Variants in FLG2 observed in about 807,000 individuals in gnomAD.
FLG2 encodes filaggrin-2.
Under a neutral mutation model 3.9 loss-of-function variants are expected in FLG2, and 7 were observed. That is an observed-to-expected ratio of 1.79 (90% CI 1.02 to 3.36). The LOEUF (loss-of-function observed/expected upper bound fraction) is 3.36, where lower values mean the gene tolerates loss of function less well. Among genes scored for constraint, FLG2 ranks in the 30% most tolerant of loss-of-function variants. The probability of loss-of-function intolerance (pLI) is 0.00; values close to 1 mark genes in which losing one functional copy is unlikely to be tolerated. For missense variants in FLG2, 2,700 were observed against 2,809.4 expected (o/e 0.96, Z 0.88); for synonymous variants, 1,031 against 1,056.1 (o/e 0.98, Z 0.46).
chr1:152,356,489 C>T lies in FLG2; in HGVS notation c.1297G>A (p.Gly433Arg). Reference sequence around the variant, plus strand: ...CCAGAGGACTGACTCAAGCCTGTTCCATGTTGTTCAAAGCTAGTAGACTGA... The same window carrying T: ...CCAGAGGACTGACTCAAGCCTGTTCTATGTTGTTCAAAGCTAGTAGACTGA... ...SSQSTSFEQH[G>R]TGLSQSSGFE... The change falls in exon 3 of 3, where the codon GGA (glycine) becomes AGA (arginine). Residue 433 changes from glycine to arginine, a missense_variant. Gly to Arg is a moderately radical substitution (Grantham distance 125, BLOSUM62 -2). Coordinates refer to ENST00000388718, the MANE Select transcript of FLG2 (RefSeq NM_001014342.3). 2 of 1,614,234 alleles carry T rather than the reference C, an allele frequency of 1.2e-6. No homozygotes were observed. Among genetic ancestry groups the T allele is most frequent in the East Asian group, 4.5e-5 (2 of 44,888 alleles).
In FLG2 at chr1:152,355,310, C is replaced by A. The variant is rs928386131; in HGVS notation, c.2476G>T (p.Gly826Cys). The A allele has an allele frequency of 5.0e-6, 8 of 1,613,772 alleles. No homozygotes were observed. Among genetic ancestry groups the A allele is most frequent in the Non-Finnish European group, 5.1e-6 (6 of 1,179,926 alleles). The change falls in exon 3 of 3, where the codon GGC (glycine) becomes TGC (cysteine). Residue 826 changes from glycine (G) to cysteine (C), a missense_variant. Transcript: ENST00000388718. ...CCAAAGCCAGAGGATTGTCCTGAGC[C>A]AGACCCATGTTGTCCAAAGCCAGCG... Reference protein sequence around the residue: ...QSAGFGQHGSGSGQSSGFGQH... With the variant: ...QSAGFGQHGSCSGQSSGFGQH...
In FLG2 at chr1:152,357,321, A is replaced by G. The variant is rs1457550618; in HGVS notation, c.465T>C (p.His155=). 1.5e-5 allele frequency: 24 copies of G among 1,614,020 alleles called. No homozygotes were observed. The highest frequency in any genetic ancestry group is 1.9e-5 in the Non-Finnish European group (23 of 1,180,044). ...GHSRGTVKCR[H]GSNSRRLGRQ... ...TTCCTAGCCTCCTGGAGTTGGACCC[A>G]TGTCTACATTTCACAGTTCCCCTTG... Residue 155 remains histidine, a synonymous_variant, in exon 3 of 3, where the codon CAT becomes CAC. Transcript: ENST00000388718.
rs1352316316 is a variant in FLG2 at position 152,354,389 on chromosome 1, A to G, written c.3397T>C (p.Ser1133Pro). 3 of 1,613,494 alleles carry G rather than the reference A, an allele frequency of 1.9e-6. No homozygotes were observed. The highest frequency in any genetic ancestry group is 2.5e-6 in the Non-Finnish European group (3 of 1,179,942). Residue 1133 changes from serine (S) to proline (P), a missense_variant, in exon 3 of 3, where the codon TCA becomes CCA. Ser to Pro is a moderately conservative substitution (Grantham distance 74). Coordinates refer to ENST00000388718, the MANE Select transcript of FLG2 (RefSeq NM_001014342.3). ...GQSSGFGQHG[S>P]GTGKSSGFAQ... ...AAGCCAGAGGATTTACCTGTGCCTG[A>G]CCCATGTTGTCCAAAGCCAGAAGAC...
rs755722317 is a variant in FLG2 at position 152,354,393 on chromosome 1, A to C, written c.3393T>G (p.His1131Gln). ...CAGAGGATTTACCTGTGCCTGACCCATGTTGTCCAAAGCCAGAAGACTGAC... is the reference window on the plus strand; with the variant it reads ...CAGAGGATTTACCTGTGCCTGACCCCTGTTGTCCAAAGCCAGAAGACTGAC... ...GSGQSSGFGQ[H>Q]GSGTGKSSGF... Residue 1131 changes from histidine to glutamine, a missense_variant, in exon 3 of 3, where the codon CAT (histidine) becomes CAG (glutamine). Physicochemically the swap from His to Gln is conservative, Grantham distance 24. Coordinates refer to ENST00000388718, the MANE Select transcript of FLG2 (RefSeq NM_001014342.3). 9 of 1,613,990 alleles carry C rather than the reference A, an allele frequency of 5.6e-6. No homozygotes were observed. The highest frequency in any genetic ancestry group is 7.6e-6 in the Non-Finnish European group (9 of 1,180,000).
Position 152,358,862 on chromosome 1 carries a change from A to G in FLG2, c.23T>C (p.Val8Ala). Residue 8 changes from valine (V) to alanine (A), a missense_variant, in exon 2 of 3, where the codon GTT (valine) becomes GCT (alanine). Val to Ala is a moderately conservative substitution (Grantham distance 64). Transcript: ENST00000388718. Reference protein sequence around the residue: MTDLLRSVVTVIDVFYKY... With the variant: MTDLLRSAVTVIDVFYKY... ...GTAGAAAACATCAATTACGGTGACA[A>G]CACTTCTCAAGAGGTCGGTCATCTT... 1.2e-6 allele frequency: 2 copies of G among 1,613,652 alleles called. No homozygotes were observed. Among genetic ancestry groups the G allele is most frequent in the Non-Finnish European group, 1.7e-6 (2 of 1,179,828 alleles).
In FLG2 at chr1:152,350,453, G is replaced by T; in HGVS notation, c.*157C>A. 1.1e-6 allele frequency: 1 copy of T among 942,248 alleles called. No homozygotes were observed. The highest frequency in any genetic ancestry group is 1.5e-6 in the Non-Finnish European group (1 of 648,070). 58.4% of individuals were successfully genotyped at this position (942,248 alleles called of 1,614,324 possible). On this transcript the variant is annotated 3_prime_UTR_variant, in exon 3 of 3. Transcript: ENST00000388718. ...TTATGAGTTACTATAGAATGTCCATGACTAGATTCCTGACTTCTTATAATA... is the reference window on the plus strand; with the variant it reads ...TTATGAGTTACTATAGAATGTCCATTACTAGATTCCTGACTTCTTATAATA...
In FLG2 at chr1:152,351,502, G is replaced by T. The variant is rs776592263; in HGVS notation, c.6284C>A (p.Ser2095Ter). ...AGATCCCCTTCTTCCAGCTGTCCTT[G>T]ACCCTCTCTGTGTGGACTGTCCATG... ...SGHGQSTQRG[S>*]RTAGRRGSGH... is the part of the protein sequence containing the mutation. Residue 2095 changes from serine to a stop codon, truncating the protein, a stop_gained, in exon 3 of 3, where the codon TCA (serine) becomes TAA (stop). Transcript: ENST00000388718. LOFTEE classifies it low-confidence loss of function (END_TRUNC). 1.2e-6 allele frequency: 2 copies of T among 1,611,704 alleles called. No homozygotes were observed. The highest frequency in any genetic ancestry group is 8.5e-7 in the Non-Finnish European group (1 of 1,179,486).
chr1:152,349,130 T>C lies in FLG2; in HGVS notation c.*1480A>G, dbSNP rs1455776801. On this transcript the variant is annotated 3_prime_UTR_variant, in exon 3 of 3. Coordinates refer to ENST00000388718, the MANE Select transcript of FLG2 (RefSeq NM_001014342.3). ...TAGCCCCAAATGGTGTTTATCTTTT[T>C]CTTCCATTCACTATTTTCTTTCTTT... The C allele has an allele frequency of 6.6e-6, 1 of 152,156 alleles. No homozygotes were observed. Among genetic ancestry groups the C allele is most frequent in the African/African-American group, 2.4e-5 (1 of 41,444 alleles). The allele number at this position is 152,156 out of a possible 1,614,324, so 9.4% of individuals were successfully genotyped here.
At position 152,355,203 on chromosome 1, in the gene FLG2, A is replaced by G. The variant is rs1557898634; in HGVS notation, c.2583T>C (p.His861=). ...GSSQSSGYGQ[H]GSSSGQTSGF... Reference sequence around the variant, plus strand: ...CAGATGTCTGTCCCGAACTTGACCCATGTTGACCATAGCCAGATGATTGAC... The same window carrying G: ...CAGATGTCTGTCCCGAACTTGACCCGTGTTGACCATAGCCAGATGATTGAC... Residue 861 remains histidine, a synonymous_variant, in exon 3 of 3, where the codon CAT becomes CAC. Coordinates refer to ENST00000388718, the MANE Select transcript of FLG2 (RefSeq NM_001014342.3). The G allele has an allele frequency of 1.2e-6, 2 of 1,607,838 alleles. No individual in the cohort carries two copies.
chr1:152,358,876 G>A lies in FLG2; in HGVS notation c.9C>T (p.Asp3=). MT[D]LLRSVVTVID... is the part of the protein sequence containing the mutation. ...TTACGGTGACAACACTTCTCAAGAG[G>A]TCGGTCATCTTTTTGCAAGTTTAAG... The change falls in exon 2 of 3, where the codon GAC becomes GAT. Residue 3 remains aspartate, a synonymous_variant. Transcript: ENST00000388718. 6.2e-7 allele frequency: 1 copy of A among 1,611,700 alleles called. No individual in the cohort carries two copies. Among genetic ancestry groups the A allele is most frequent in the South Asian group, 1.1e-5 (1 of 90,346 alleles).
chr1:152,356,622 G>T lies in FLG2; in HGVS notation c.1164C>A (p.Ser388Arg). Reference sequence around the variant, plus strand: ...CATGTTGACCATTACTACAAGACTGGCTACCTCCAGACCCATATTGTCCAC... The same window carrying T: ...CATGTTGACCATTACTACAAGACTGTCTACCTCCAGACCCATATTGTCCAC... ...SCCGQYGSGG[S>R]QSCSNGQHEY... is the part of the protein sequence containing the mutation. The change falls in exon 3 of 3, where the codon AGC (serine) becomes AGA (arginine). Residue 388 changes from serine to arginine, a missense_variant. Coordinates refer to ENST00000388718, the MANE Select transcript of FLG2 (RefSeq NM_001014342.3). 6.2e-7 allele frequency: 1 copy of T among 1,613,916 alleles called. No homozygotes were observed. The highest frequency in any genetic ancestry group is 8.5e-7 in the Non-Finnish European group (1 of 1,179,982).
Position 152,351,079 on chromosome 1 carries a change from C to A in FLG2, c.6707G>T (p.Gly2236Val). The change falls in exon 3 of 3, where the codon GGT becomes GTT. Residue 2236 changes from glycine (G) to valine (V), a missense_variant. By Grantham distance (109) the Gly-to-Val change is moderately radical (BLOSUM62 -3). Coordinates refer to ENST00000388718, the MANE Select transcript of FLG2 (RefSeq NM_001014342.3). ...CCCTCTCTGTGTGGATTGTCCATAA[C>A]CATAGTGGGCATGTCTAGTGGTATC... ...TGDTTRHAHY[G>V]YGQSTQRGSR... 2 of 1,613,522 alleles carry A rather than the reference C, an allele frequency of 1.2e-6. No individual in the cohort carries two copies. The highest frequency in any genetic ancestry group is 1.1e-5 in the South Asian group (1 of 91,042).
In FLG2 at chr1:152,353,868, T is replaced by C. The variant is rs1484099502; in HGVS notation, c.3918A>G (p.Thr1306=). The change falls in exon 3 of 3, where the codon ACA becomes ACG. Residue 1306 remains threonine, a synonymous_variant. Coordinates refer to ENST00000388718, the MANE Select transcript of FLG2 (RefSeq NM_001014342.3). ...GAGTAGTTCCTTGTCTTCTGCGAAC[T>C]GTGGATCCTGACTTTGGGTAGTGAG... is the stretch of plus-strand genomic sequence containing the variant. ...AGSHYPKSGS[T]VRRRQGTTHG... is the part of the protein sequence containing the mutation. The C allele has an allele frequency of 5.0e-6, 8 of 1,614,080 alleles. No individual in the cohort carries two copies. The highest frequency in any genetic ancestry group is 6.8e-6 in the Non-Finnish European group (8 of 1,180,010).
chr1:152,352,884 A>T lies in FLG2; in HGVS notation c.4902T>A (p.Gly1634=), dbSNP rs1287174762. ...IGDTTGHSHS[G]HGQSTQRGSR... ...ACCCTCTCTGTGTGGACTGTCCATG[A>T]CCAGAGTGGGAATGTCCAGTGGTAT... The change falls in exon 3 of 3, where the codon GGT becomes GGA. Residue 1634 remains glycine, a synonymous_variant. Transcript: ENST00000388718. 1.9e-6 allele frequency: 3 copies of T among 1,613,300 alleles called. No individual in the cohort carries two copies. Among genetic ancestry groups the T allele is most frequent in the Non-Finnish European group, 2.5e-6 (3 of 1,179,878 alleles).
In FLG2 at chr1:152,356,749, C is replaced by T. The variant is rs746406263; in HGVS notation, c.1037G>A (p.Cys346Tyr). ...SGCGQPESNP[C>Y]SQSYSQRGYG... is the part of the protein sequence containing the mutation. ...TCCTCTCTGACTATAGGACTGACTA[C>T]AGGGGTTAGACTCAGGTTGACCACA... The change falls in exon 3 of 3, where the codon TGT becomes TAT. Residue 346 changes from cysteine (C) to tyrosine (Y), a missense_variant. Physicochemically the swap from Cys to Tyr is radical, Grantham distance 194. Coordinates refer to ENST00000388718, the MANE Select transcript of FLG2 (RefSeq NM_001014342.3). 3.1e-6 allele frequency: 5 copies of T among 1,614,196 alleles called. No homozygotes were observed. The highest frequency in any genetic ancestry group is 4.2e-6 in the Non-Finnish European group (5 of 1,180,028).
rs1180242830 is a variant in FLG2 at position 152,350,681 on chromosome 1, T to C, written c.7105A>G (p.Lys2369Glu). Residue 2369 changes from lysine to glutamate, a missense_variant, in exon 3 of 3, where the codon AAA becomes GAA. Transcript: ENST00000388718. Reference protein sequence around the residue: ...TGYGPSGGSRKSISNSHLSWS... With the variant: ...TGYGPSGGSRESISNSHLSWS... ...GAAAGGTGAGAATTACTGATGCTTT[T>C]TCTGCTGCCACCAGAAGGCCCATAC... The C allele has an allele frequency of 6.2e-7, 1 of 1,614,240 alleles. No homozygotes were observed. The highest frequency in any genetic ancestry group is 1.3e-5 in the African/African-American group (1 of 75,060).
In FLG2 at chr1:152,351,151, C is replaced by T. The variant is rs777498449; in HGVS notation, c.6635G>A (p.Gly2212Glu). ...TCCCTGTCTCCCATGACCTGAGGAT[C>T]CTGACTGTCCATGTCGAGATCCGGC... The part of the protein sequence containing the change: ...SQAGSRHGQS[G>E]SSGHGRQGTT... The change falls in exon 3 of 3, where the codon GGA becomes GAA. Residue 2212 changes from glycine to glutamate, a missense_variant. Gly to Glu is a moderately conservative substitution (Grantham distance 98). Coordinates refer to ENST00000388718, the MANE Select transcript of FLG2 (RefSeq NM_001014342.3). 1.9e-6 allele frequency: 3 copies of T among 1,613,664 alleles called. No homozygotes were observed. The Admixed American group carries it at 5.0e-5, about 27-fold the overall frequency.
In FLG2 at chr1:152,354,847, C is replaced by T. The variant is rs975368668; in HGVS notation, c.2939G>A (p.Gly980Asp). The T allele has an allele frequency of 1.9e-6, 3 of 1,613,530 alleles. No homozygotes were observed. The African/African-American group carries it at 4.0e-5, about 22-fold the overall frequency. ...QSSGFGQHES[G>D]SGKSSGFGQH... ...TCCAAAGCCAGAGGATTTTCCTGAG[C>T]CTGACTCATGTTGTCCAAAGCCAGA... Residue 980 changes from glycine to aspartate, a missense_variant, in exon 3 of 3, where the codon GGC (glycine) becomes GAC (aspartate). Transcript: ENST00000388718.
Position 152,352,911 on chromosome 1 carries a change from T to G in FLG2, c.4875A>C (p.Gly1625=). ...ERHGTTHGQI[G]DTTGHSHSGH... Reference sequence around the variant, plus strand: ...CAGAGTGGGAATGTCCAGTGGTATCTCCTATCTGTCCATGAGTAGTTCCGT... The same window carrying G: ...CAGAGTGGGAATGTCCAGTGGTATCGCCTATCTGTCCATGAGTAGTTCCGT... Residue 1625 remains glycine (G), a synonymous_variant, in exon 3 of 3, where the codon GGA becomes GGC. Transcript: ENST00000388718. 3.1e-6 allele frequency: 5 copies of G among 1,613,738 alleles called. No individual in the cohort carries two copies. The highest frequency in any genetic ancestry group is 4.2e-6 in the Non-Finnish European group (5 of 1,179,954).
Sources: gnomAD v4.1 joint callset for allele counts on GRCh38, gnomAD v4.1.1 for gene constraint, MANE v1.5 for transcripts, NCBI Gene and HGNC (gene_info 2026-07-23, HGNC 2026-07-21) for gene names.